ZNF85: variants seen among roughly 807,000 people sequenced by gnomAD.
ZNF85 encodes zinc finger protein 85.
Under a neutral mutation model 53.9 loss-of-function variants are expected in ZNF85, and 50 were observed. That is an observed-to-expected ratio of 0.93 (90% CI 0.74 to 1.17). The LOEUF is 1.17. ZNF85 is among the 50% of genes most tolerant of loss of function. The pLI is 0.00. For synonymous variants in ZNF85, 225 were observed against 226.1 expected (o/e 1.00, Z 0.04); for missense variants, 747 against 688.5 (o/e 1.08, Z -0.95).
At chr19:20,923,869 G>C (rs1972818471) in intron 1 of ZNF85, among the ~76,000 whole-genome samples, 1 of 152,098 alleles carries the variant, frequency 6.6e-6, no homozygotes, top group Admixed American at 6.6e-5. Context: ...ATCATCTGAG[G>C]TCAGGAGTTC....
At position 20,950,410 on chromosome 19, in the gene ZNF85, C is replaced by A; in HGVS notation, c.*108C>A. 2 of 761,250 alleles carry A rather than the reference C, an allele frequency of 2.6e-6. No homozygotes were observed. The highest frequency in any genetic ancestry group is 5.7e-5 in the South Asian group (2 of 35,390). The allele number at this position is 761,250 out of a possible 1,614,324, so 47.2% of individuals were successfully genotyped here. A position where few individuals can be genotyped will look rare whatever the true frequency, so the allele number is the denominator to read the frequency against. ...AGATGTGACAATAATTTTGACAACA[C>A]CTCAGACTTATAAAAGTAATCATAC... is the stretch of plus-strand genomic sequence containing the variant. On this transcript the variant is annotated 3_prime_UTR_variant, in exon 4 of 4. Coordinates refer to ENST00000328178, the MANE Select transcript of ZNF85 (RefSeq NM_003429.5).
At chr19:20,925,455 CAAAA>C (rs71174767) in intron 1 of ZNF85, among the ~76,000 whole-genome samples, 2 of 97,220 alleles carry the variant, frequency 2.1e-5, no homozygotes, top group Non-Finnish European at 2.1e-5. Flanking sequence ...AGACTGTATA[CAAAA>C]AAAAAAAAAA....
intron 1 of ZNF85, among the ~76,000 whole-genome samples, chr19:20,923,955 C>T (rs796682209): frequency 1.3e-5 from 2 of 152,016 alleles, no homozygotes; most frequent in African/African-American, 4.8e-5. Flanking sequence ...CGTCGTGGCG[C>T]GCGCCTGCAA....
Position 20,923,257 on chromosome 19 carries a change from G to T in ZNF85, c.-144G>T. ...GCTTCCGGGATGTGGCGGGGCCTTTGTCTCTCGCTGCAGCCTGAGCTCTAG... is the reference window on the plus strand; with the variant it reads ...GCTTCCGGGATGTGGCGGGGCCTTTTTCTCTCGCTGCAGCCTGAGCTCTAG... On this transcript the variant is annotated 5_prime_UTR_variant, in exon 1 of 4. Transcript: ENST00000328178. The T allele has an allele frequency of 1.5e-6, 2 of 1,334,412 alleles. No homozygotes were observed. The highest frequency in any genetic ancestry group is 3.8e-4 in the Middle Eastern group (2 of 5,330). 82.7% of individuals were successfully genotyped at this position (1,334,412 alleles called of 1,614,324 possible). A position where few individuals can be genotyped will look rare whatever the true frequency, so the allele number is the denominator to read the frequency against.
chr19:20,945,228 C>G (rs921635934), intron 3 of ZNF85, among the ~76,000 whole-genome samples: 1 of 152,058 alleles, frequency 6.6e-6, no homozygotes, highest in South Asian at 2.1e-4. Context: ...CAACATATCA[C>G]CAAAATGTTT....
chr19:20,933,799 T>C (rs144818485), intron 1 of ZNF85, among the ~76,000 whole-genome samples: 1,822 of 152,310 alleles, frequency 0.012, 33 homozygotes, highest in African/African-American at 0.035. Context: ...CACTCTCTTT[T>C]CTTAGAGTTA....
chr19:20,949,268 C>G lies in ZNF85; in HGVS notation c.754C>G (p.His252Asp), dbSNP rs1973504454. Residue 252 changes from histidine (H) to aspartate (D), a missense_variant, in exon 4 of 4, where the codon CAT becomes GAT. His to Asp is a moderately conservative substitution (Grantham distance 81, BLOSUM62 -1). Coordinates refer to ENST00000328178, the MANE Select transcript of ZNF85 (RefSeq NM_003429.5). ...AAACCTTATTAAACATAAGAAAATT[C>G]ATACTGGAGAGAAACCCTACAAATG... is the stretch of plus-strand genomic sequence containing the variant. ...SSNLIKHKKI[H>D]TGEKPYKCEE... 1 of 1,612,706 alleles carries G rather than the reference C, an allele frequency of 6.2e-7. No individual in the cohort carries two copies. Among genetic ancestry groups the G allele is most frequent in the Non-Finnish European group, 8.5e-7 (1 of 1,179,476 alleles).
intron 1 of ZNF85, chr19:20,928,147 C>T (rs1972923521): frequency 6.6e-6 from 1 of 152,112 alleles, no homozygotes; most frequent in Admixed American, 6.6e-5. Flanking sequence ...AACAGTAGCT[C>T]AGAAGCATAG....
At chr19:20,946,728 G>A (rs536489276) in intron 3 of ZNF85, among the ~76,000 whole-genome samples, 1 of 151,818 alleles carries the variant, frequency 6.6e-6, no homozygotes, top group East Asian at 1.9e-4. Context: ...AACTTAAGAT[G>A]TGTTGTGTAA....
intron 3 of ZNF85, among the ~76,000 whole-genome samples, chr19:20,935,613 T>C (rs950302267): frequency 6.6e-6 from 1 of 152,194 alleles, no homozygotes; most frequent in Admixed American, 6.6e-5. Context: ...GTTTCATGTA[T>C]GTTTTAGAAT....
intron 3 of ZNF85, chr19:20,943,773 A>G (rs934526033): frequency 2.0e-5 from 3 of 152,084 alleles, no homozygotes; most frequent in African/African-American, 7.2e-5. Flanking sequence ...TGGAGCCCTA[A>G]TGTTGTATAT....
chr19:20,942,553 G>A (rs928383668), intron 3 of ZNF85, among the ~76,000 whole-genome samples: 1 of 151,506 alleles, frequency 6.6e-6, no homozygotes, highest in Non-Finnish European at 1.5e-5. Context: ...GTGGTATTGG[G>A]ATTTCTAGTT....
In ZNF85 at chr19:20,946,834, G is replaced by A. The variant is rs188854602; in HGVS notation, c.230-1910G>A. On this transcript the variant is annotated intron_variant, in intron 3 of 3. Coordinates refer to ENST00000328178, the MANE Select transcript of ZNF85 (RefSeq NM_003429.5). Reference sequence around the variant, plus strand: ...TTCAGTCTTTCTTTATCATTAGATCGCAACTGACTCTTGTAGAAAGGCAAG... The same window carrying A: ...TTCAGTCTTTCTTTATCATTAGATCACAACTGACTCTTGTAGAAAGGCAAG... Among the ~76,000 whole-genome samples, 7 of 151,806 alleles carry A rather than the reference G, an allele frequency of 4.6e-5. No homozygotes were observed. In the East Asian group the frequency reaches 7.7e-4, roughly 17 times the overall value.
chr19:20,950,537 CAA>C lies in ZNF85; in HGVS notation c.*236_*237del. Reference sequence around the variant, plus strand: ...TATTGGAACAAACTACAAGTGCAAACAATGTGGCAAAACTTAATTTATGCTCA... The same window carrying C: ...TATTGGAACAAACTACAAGTGCAAACTGTGGCAAAACTTAATTTATGCTCA... On this transcript the variant is annotated 3_prime_UTR_variant, in exon 4 of 4. Coordinates refer to ENST00000328178, the MANE Select transcript of ZNF85 (RefSeq NM_003429.5). 1 of 369,368 alleles carries C rather than the reference CAA, an allele frequency of 2.7e-6. No individual in the cohort carries two copies. 22.9% of individuals were successfully genotyped at this position (369,368 alleles called of 1,614,324 possible).
chr19:20,938,874 GTGTA>G (rs759523292), intron 3 of ZNF85, among the ~76,000 whole-genome samples: 90 of 140,796 alleles, frequency 6.4e-4, no homozygotes, highest in African/African-American at 1.9e-3. Flanking sequence ...GTGTGTGTGT[GTGTA>G]TATATATGTG....
At position 20,949,871 on chromosome 19, in the gene ZNF85, C is replaced by T; in HGVS notation, c.1357C>T (p.Pro453Ser). 2.5e-6 allele frequency: 4 copies of T among 1,612,788 alleles called. No homozygotes were observed. Among genetic ancestry groups the T allele is most frequent in the Non-Finnish European group, 3.4e-6 (4 of 1,179,394 alleles). The change falls in exon 4 of 4, where the codon CCC becomes TCC. Residue 453 changes from proline (P) to serine (S), a missense_variant. Pro to Ser is a moderately conservative substitution (Grantham distance 74, BLOSUM62 -1). Coordinates refer to ENST00000328178, the MANE Select transcript of ZNF85 (RefSeq NM_003429.5). ...EHKKIHTGEKPYECEKCGKAF... is the reference protein window; with the variant it reads ...EHKKIHTGEKSYECEKCGKAF... Reference sequence around the variant, plus strand: ...TAAGAAAATTCATACTGGAGAGAAACCCTATGAATGTGAAAAATGTGGCAA... The same window carrying T: ...TAAGAAAATTCATACTGGAGAGAAATCCTATGAATGTGAAAAATGTGGCAA...
rs752274992 is a variant in ZNF85, at chr19:20,950,350, GAA to G, written c.*51_*52del. Reference sequence around the variant, plus strand: ...AATTTACAAGTCTTACTAAACATAAGAAAATTTATACTGGAGAGAAACTACTA... The same window carrying G: ...AATTTACAAGTCTTACTAAACATAAGAATTTATACTGGAGAGAAACTACTA... On this transcript the variant is annotated 3_prime_UTR_variant, in exon 4 of 4. Transcript: ENST00000328178. 14 of 1,335,616 alleles carry G rather than the reference GAA, an allele frequency of 1.0e-5. No homozygotes were observed. Among genetic ancestry groups the G allele is most frequent in the African/African-American group, 1.5e-5 (1 of 67,834 alleles). The allele number at this position is 1,335,616 out of a possible 1,614,324, so 82.7% of individuals were successfully genotyped here.
intron 1 of ZNF85, among the ~76,000 whole-genome samples, chr19:20,930,840 T>G (rs1237460222): frequency 6.6e-6 from 1 of 152,228 alleles, no homozygotes; most frequent in Non-Finnish European, 1.5e-5. Flanking sequence ...TGGCACGATC[T>G]TGGCCCACCA....
chr19:20,948,054 G>C (rs910964404), intron 3 of ZNF85, among the ~76,000 whole-genome samples: 1 of 152,108 alleles, frequency 6.6e-6, no homozygotes, highest in Admixed American at 6.5e-5. Flanking sequence ...TTATAATATA[G>C]CTTTGTCTTG....
Sources: gnomAD v4.1 joint callset for allele counts (sites outside exome capture counted in the v4.1 genomes callset) on GRCh38, gnomAD v4.1.1 for gene constraint, MANE v1.5 for transcripts, NCBI Gene and HGNC (gene_info 2026-07-23, HGNC 2026-07-21) for gene names.